SRRM3: variants seen among roughly 807,000 people sequenced by gnomAD.
SRRM3 encodes the protein serine/arginine repetitive matrix 3.
A neutral mutation model predicts 66.2 loss-of-function variants in SRRM3; 27 were observed. The ratio of observed to expected loss-of-function variants is 0.41; its 90% CI spans 0.30 to 0.56. SRRM3 has a LOEUF of 0.56. SRRM3 is among the 20% of genes least tolerant of loss of function. SRRM3 has a pLI of 0.32. For synonymous variants in SRRM3, 391 were observed against 414.9 expected, an observed-to-expected ratio of 0.94 and a Z score of 0.70; for missense variants, 918 against 991.9, an observed-to-expected ratio of 0.93 and a Z score of 1.00.
At chr7:76,240,555 G>T (rs1413980616) in intron 2 of SRRM3, among the ~76,000 whole-genome samples, 5 of 150,132 alleles carry the variant, frequency 3.3e-5, no homozygotes, top group Non-Finnish European at 7.4e-5. Context: ...GGGAGGCGGA[G>T]CTTGCAGTGA....
Position 76,267,424 on chromosome 7 carries a change from A to T in SRRM3, c.997A>T (p.Ser333Cys). ...AHGGRPGSAHSPPDKPSSPSP... is the reference protein window; with the variant it reads ...AHGGRPGSAHCPPDKPSSPSP... ...CGGGGGCCGCCCCGGCTCGGCGCAC[A>T]GCCCGCCCGATGTACGTACGCTTCG... Residue 333 changes from serine to cysteine, a missense_variant, in exon 11 of 15, where the codon AGC becomes TGC. Ser to Cys is a moderately radical substitution (Grantham distance 112). Transcript: ENST00000611745. The T allele has an allele frequency of 7.3e-7, 1 of 1,365,708 alleles. No individual in the cohort carries two copies. Among genetic ancestry groups the T allele is most frequent in the Non-Finnish European group, 9.4e-7 (1 of 1,064,576 alleles). 84.6% of individuals were successfully genotyped at this position (1,365,708 alleles called of 1,614,324 possible). A position where few individuals can be genotyped will look rare whatever the true frequency, so the allele number is the denominator to read the frequency against.
intron 1 of SRRM3, among the ~76,000 whole-genome samples, chr7:76,214,551 A>G (rs910541512): frequency 9.2e-5 from 14 of 152,116 alleles, no homozygotes; most frequent in Admixed American, 3.3e-4. Flanking sequence ...AGCTGTCACC[A>G]TGCTAACAGC....
intron 1 of SRRM3, among the ~76,000 whole-genome samples, chr7:76,222,400 G>T (rs1554603306): frequency 1.5e-5 from 2 of 135,092 alleles, no homozygotes; most frequent in Non-Finnish European, 3.1e-5. Flanking sequence ...GGTGATAGGA[G>T]ACCCCGTCTC....
In SRRM3 at chr7:76,259,923, G is replaced by A. The variant is rs782140656; in HGVS notation, c.353G>A (p.Arg118Gln). The A allele has an allele frequency of 1.2e-6, 2 of 1,601,618 alleles. No individual in the cohort carries two copies. The highest frequency in any genetic ancestry group is 2.7e-5 in the African/African-American group (2 of 74,872). The change falls in exon 4 of 15, where the codon CGG becomes CAG. Residue 118 changes from arginine (R) to glutamine (Q), a missense_variant. Coordinates refer to ENST00000611745, the MANE Select transcript of SRRM3 (RefSeq NM_001110199.3). ...PGGHIVAETP[R>Q]LTEGAEPGLE... The stretch of plus-strand genomic sequence containing the variant: ...GCCGGCAGTGTGGCGGAGACCCCGC[G>A]GCTGACCGAGGGCGCTGAGCCGGGC...
chr7:76,283,218 TG>T (rs3839766), intron 14 of SRRM3, 117 bp downstream of exon 14: 615,004 of 845,488 alleles, frequency 0.73, 209,573 homozygotes, highest in Non-Finnish European at 0.74. Context: ...GGCACGGGGA[TG>T]GGGGGGGGTG....
At chr7:76,205,780 T>A (rs1800286891) in intron 1 of SRRM3, among the ~76,000 whole-genome samples, 1 of 152,242 alleles carries the variant, frequency 6.6e-6, no homozygotes, top group African/African-American at 2.4e-5. Context: ...TGGGCCTGTC[T>A]AAGCCCTATT....
chr7:76,240,774 G>A (rs1554605527), intron 2 of SRRM3, among the ~76,000 whole-genome samples: 1 of 152,188 alleles, frequency 6.6e-6, no homozygotes, highest in African/African-American at 2.4e-5. Flanking sequence ...GTGGCATGAG[G>A]ACTAAGGGAG....
chr7:76,261,636 A>C lies in SRRM3; in HGVS notation c.674+55A>C, dbSNP rs112860718. 717 of 1,570,996 alleles carry C rather than the reference A, an allele frequency of 4.6e-4. No homozygotes were observed. The African/African-American group carries it at 9.1e-3, about 20-fold the overall frequency. On this transcript the variant is annotated intron_variant, in intron 8 of 14. Coordinates refer to ENST00000611745, the MANE Select transcript of SRRM3 (RefSeq NM_001110199.3). ...AGTGGTCCCTTAAGGACCAAAGCCCAAAGGACGCAATGATGGGAGGGGGTT... is the reference window on the plus strand; with the variant it reads ...AGTGGTCCCTTAAGGACCAAAGCCCCAAGGACGCAATGATGGGAGGGGGTT...
chr7:76,229,076 A>G (rs1800951475), intron 1 of SRRM3, among the ~76,000 whole-genome samples: 1 of 151,584 alleles, frequency 6.6e-6, no homozygotes, highest in Non-Finnish European at 1.5e-5. Context: ...TTTTTTGTAT[A>G]TTTAGTAGAG....
intron 1 of SRRM3, among the ~76,000 whole-genome samples, chr7:76,212,749 G>A (rs915833447): frequency 2.6e-5 from 4 of 152,122 alleles, no homozygotes; most frequent in Non-Finnish European, 4.4e-5. Context: ...GATTACAGGC[G>A]TGAGCCACTG....
At chr7:76,272,428 T>C (rs573888700) in intron 11 of SRRM3, among the ~76,000 whole-genome samples, 47 of 152,112 alleles carry the variant, frequency 3.1e-4, no homozygotes, top group African/African-American at 1.1e-3. Flanking sequence ...ATTAGCCAGA[T>C]GTGATGGTGC....
At chr7:76,202,249 T>C (rs570848954) in intron 1 of SRRM3, among the ~76,000 whole-genome samples, 182 bp downstream of exon 1, 11 of 147,838 alleles carry the variant, frequency 7.4e-5, no homozygotes, top group African/African-American at 2.8e-4. Context: ...GGAACATTCA[T>C]TTCACTGAGA....
chr7:76,260,373 C>A (rs1478299323), intron 5 of SRRM3, among the ~76,000 whole-genome samples, 176 bp downstream of exon 5: 2 of 146,644 alleles, frequency 1.4e-5, no homozygotes, highest in African/African-American at 2.5e-5. Flanking sequence ...CTGAACCCAC[C>A]CCAGGCCTCA....
chr7:76,281,682 G>A lies in SRRM3; in HGVS notation c.1250G>A (p.Arg417Gln), dbSNP rs1554611926. 6 of 1,018,154 alleles carry A rather than the reference G, an allele frequency of 5.9e-6. No homozygotes were observed. The highest frequency in any genetic ancestry group is 4.0e-5 in the South Asian group (1 of 24,864). 63.1% of individuals were successfully genotyped at this position (1,018,154 alleles called of 1,614,324 possible). A position where few individuals can be genotyped will look rare whatever the true frequency, so the allele number is the denominator to read the frequency against. The change falls in exon 12 of 15, where the codon CGG becomes CAG. Residue 417 changes from arginine to glutamine, a missense_variant. Physicochemically the swap from Arg to Gln is conservative, Grantham distance 43. Transcript: ENST00000611745. ...CGGCGCCCCCGGCCCGCGCCCCCCC[G>A]GGGCTCGTCGCGCTCGCTCAGCAGG... is the stretch of plus-strand genomic sequence containing the variant. ...GRRRPRPAPP[R>Q]GSSRSLSRAR...
chr7:76,259,872 C>A (rs549069435), intron 3 of SRRM3, 34 bp from the exon 4 acceptor site: 4 of 1,599,268 alleles, frequency 2.5e-6, no homozygotes, highest in Non-Finnish European at 3.4e-6. Context: ...AAAGTCGTCC[C>A]GAGACTGGTG....
intron 11 of SRRM3, among the ~76,000 whole-genome samples, chr7:76,275,124 AAAAG>A (rs1446983143): frequency 6.6e-6 from 1 of 151,612 alleles, no homozygotes; most frequent in African/African-American, 2.4e-5. Flanking sequence ...AAAAAAAAGA[AAAAG>A]AAAAAGACAT....
chr7:76,226,902 A>G (rs1381490715), intron 1 of SRRM3, among the ~76,000 whole-genome samples: 1 of 152,176 alleles, frequency 6.6e-6, no homozygotes, highest in Admixed American at 6.5e-5. Flanking sequence ...GGTGCCACAC[A>G]CTTAGAGTTA....
intron 1 of SRRM3, among the ~76,000 whole-genome samples, chr7:76,217,580 C>T (rs2116954183): frequency 6.6e-6 from 1 of 152,300 alleles, no homozygotes; most frequent in African/African-American, 2.4e-5. Flanking sequence ...GCCATCACAC[C>T]TGGGCGCAAA....
chr7:76,258,790 C>A (rs371507711), intron 3 of SRRM3, among the ~76,000 whole-genome samples: 3 of 150,148 alleles, frequency 2.0e-5, no homozygotes, highest in African/African-American at 7.4e-5. Context: ...TGCGCGGTGG[C>A]TCACGCCTGT....
Sources: allele counts gnomAD v4.1 joint callset (sites outside exome capture counted in the v4.1 genomes callset), GRCh38; gene constraint gnomAD v4.1.1; transcripts MANE v1.5; gene names NCBI Gene and HGNC (gene_info 2026-07-23, HGNC 2026-07-21).